Variants in FCHSD2 observed in about 807,000 individuals in gnomAD.
The protein encoded by FCHSD2 is F-BAR and double SH3 domains protein 2.
A neutral mutation model predicts 108.1 loss-of-function variants in FCHSD2; 38 were observed. That is an observed-to-expected ratio of 0.35 (90% CI 0.27 to 0.46). The LOEUF (loss-of-function observed/expected upper bound fraction) is 0.46, where lower values mean the gene tolerates loss of function less well. FCHSD2 is among the 20% of genes least tolerant of loss of function. FCHSD2 has a pLI of 1.00. For missense variants in FCHSD2, 751 were observed against 897.8 expected, an observed-to-expected ratio of 0.84 and a Z score of 2.09; for synonymous variants, 279 against 314.7, an observed-to-expected ratio of 0.89 and a Z score of 1.20.
At position 72,949,483 on chromosome 11, in the gene FCHSD2, A is replaced by AAAAAG. The variant is rs576112122; in HGVS notation, c.706-27538_706-27534dup. On this transcript the variant is annotated intron_variant, in intron 8 of 19. Coordinates refer to ENST00000409418, the MANE Select transcript of FCHSD2 (RefSeq NM_014824.3). The stretch of plus-strand genomic sequence containing the variant: ...AGAAAGAAAAGAAAAGAAAGGAAAG[A>AAAAAG]AAAAGAAAAGAAAAGAAAAGAAAAG... Among the ~76,000 whole-genome samples the AAAAAG allele has an allele frequency of 5.4e-3, 817 of 152,060 alleles. 2 individuals carry two copies. Among genetic ancestry groups the AAAAAG allele is most frequent in the African/African-American group, 0.012 (501 of 41,486 alleles).
chr11:73,107,281 C>T (rs754684411), intron 2 of FCHSD2, among the ~76,000 whole-genome samples: 5 of 152,270 alleles, frequency 3.3e-5, no homozygotes, highest in Non-Finnish European at 1.5e-5. Flanking sequence ...TCGATCTGAC[C>T]TTGTGATCTG....
At chr11:72,846,786 G>C (rs1010508777) in intron 14 of FCHSD2, among the ~76,000 whole-genome samples, 23 of 152,030 alleles carry the variant, frequency 1.5e-4, no homozygotes, top group African/African-American at 5.6e-4. Context: ...GTTCATCGTA[G>C]AAAAGCTGGA....
chr11:73,015,974 T>C (rs558330130), intron 3 of FCHSD2, 89 bp from the exon 4 acceptor site: 1 of 717,578 alleles, frequency 1.4e-6, no homozygotes, highest in East Asian at 2.9e-5. Context: ...GAAAATCTCA[T>C]TTTTCCAAAT....
chr11:72,884,480 T>C (rs1457646913), intron 12 of FCHSD2, among the ~76,000 whole-genome samples: 2 of 149,754 alleles, frequency 1.3e-5, no homozygotes, highest in African/African-American at 4.9e-5. Context: ...TAGAAATATA[T>C]ATATATCTGT....
chr11:72,883,301 T>C (rs779354564), intron 12 of FCHSD2, among the ~76,000 whole-genome samples: 1 of 152,086 alleles, frequency 6.6e-6, no homozygotes, highest in South Asian at 2.1e-4. Flanking sequence ...ACACTAATCA[T>C]AAAGGACAAA....
intron 2 of FCHSD2, among the ~76,000 whole-genome samples, chr11:73,113,875 C>A (rs146621880): frequency 6.6e-6 from 1 of 152,244 alleles, no homozygotes; most frequent in African/African-American, 2.4e-5. Flanking sequence ...TGGTTAAGAT[C>A]CAGAAGAATT....
At chr11:73,140,174 C>T (rs1336683696) in intron 1 of FCHSD2, 46 bp from the exon 2 acceptor site, 2 of 1,184,434 alleles carry the variant, frequency 1.7e-6, no homozygotes, top group Non-Finnish European at 2.4e-6. Context: ...CAAATTTAAC[C>T]CAAAAAAATT....
intron 3 of FCHSD2, among the ~76,000 whole-genome samples, chr11:73,018,180 T>A (rs1243322697): frequency 6.6e-6 from 1 of 152,224 alleles, no homozygotes; most frequent in Non-Finnish European, 1.5e-5. Flanking sequence ...TCCCATATCA[T>A]GATCCCAAAT....
chr11:73,096,987 A>AATTTTT (rs1860095700), intron 2 of FCHSD2, among the ~76,000 whole-genome samples: 1 of 27,020 alleles, frequency 3.7e-5, no homozygotes, highest in African/African-American at 2.0e-4. Flanking sequence ...TCATTGATGG[A>AATTTTT]TTTTTTTTTT....
intron 3 of FCHSD2, among the ~76,000 whole-genome samples, chr11:73,082,895 C>T (rs1192502062): frequency 3.9e-5 from 6 of 152,028 alleles, no homozygotes; most frequent in Admixed American, 6.6e-5. Context: ...TAAAATGATA[C>T]ATCAACATAA....
rs370700420 is a variant in FCHSD2, at chr11:73,099,089, GCCTATTGT to G, written c.120-15357_120-15350del. On this transcript the variant is annotated intron_variant, in intron 2 of 19. Transcript: ENST00000409418. ...TAATTAGTCGGAGGTAGTGGTACAT[GCCTATTGT>G]CCCAGCTACTCAGGAGGCTGAGGTA... is the stretch of plus-strand genomic sequence containing the variant. 4.5e-3 allele frequency among the ~76,000 whole-genome samples: 686 copies of G among 152,156 alleles called. 5 individuals carry two copies. Among genetic ancestry groups the G allele is most frequent in the African/African-American group, 0.016 (652 of 41,504 alleles).
intron 12 of FCHSD2, among the ~76,000 whole-genome samples, chr11:72,874,112 C>T (rs910544724): frequency 6.6e-6 from 1 of 152,162 alleles, no homozygotes; most frequent in African/African-American, 2.4e-5. Context: ...ATTTAATGTG[C>T]CTAAGTTTAT....
chr11:72,929,715 G>A (rs993416206), intron 8 of FCHSD2, among the ~76,000 whole-genome samples: 1 of 152,128 alleles, frequency 6.6e-6, no homozygotes, highest in Admixed American at 6.5e-5. Flanking sequence ...AAAAGCCAAC[G>A]ATCAGAATAA....
At chr11:72,868,442 A>T (rs982404574) in intron 12 of FCHSD2, among the ~76,000 whole-genome samples, 20 of 152,096 alleles carry the variant, frequency 1.3e-4, no homozygotes, top group African/African-American at 4.8e-4. Flanking sequence ...TGTGCAGCAA[A>T]CCACCATGGC....
intron 13 of FCHSD2, among the ~76,000 whole-genome samples, chr11:72,867,270 AACAT>A (rs1854748989): frequency 6.6e-6 from 1 of 152,204 alleles, no homozygotes; most frequent in African/African-American, 2.4e-5. Context: ...TTAGATCTCC[AACAT>A]GAAAAACTAA....
intron 9 of FCHSD2, among the ~76,000 whole-genome samples, chr11:72,911,808 T>C (rs999305340): frequency 2.0e-5 from 3 of 152,178 alleles, no homozygotes; most frequent in African/African-American, 7.2e-5. Flanking sequence ...CCTCCATCTC[T>C]TGAATTCAAG....
chr11:73,129,981 TC>T (rs1389568571), intron 2 of FCHSD2, among the ~76,000 whole-genome samples: 2 of 150,690 alleles, frequency 1.3e-5, no homozygotes, highest in African/African-American at 2.4e-5. Flanking sequence ...CGGGTTCACG[TC>T]ATTCTCCTGC....
At chr11:72,972,163 A>C (rs1210591438) in intron 8 of FCHSD2, among the ~76,000 whole-genome samples, 1 of 152,110 alleles carries the variant, frequency 6.6e-6, no homozygotes, top group African/African-American at 2.4e-5. Flanking sequence ...AGTACCCCTC[A>C]TCTATTGTTG....
At chr11:73,059,276 T>C (rs1004633254) in intron 3 of FCHSD2, among the ~76,000 whole-genome samples, 1 of 151,980 alleles carries the variant, frequency 6.6e-6, no homozygotes, top group African/African-American at 2.4e-5. Flanking sequence ...TTACCCTCCG[T>C]GGGTTTTTTT....
Sources: gnomAD v4.1 joint callset for allele counts (sites outside exome capture counted in the v4.1 genomes callset) on GRCh38, gnomAD v4.1.1 for gene constraint, MANE v1.5 for transcripts, NCBI Gene and HGNC (gene_info 2026-07-23, HGNC 2026-07-21) for gene names.